Variants in ROR2 observed in about 807,000 individuals in gnomAD.
ROR2 encodes ROR family WNT receptor 2.
In ROR2, 33 loss-of-function variants were observed where a neutral mutation model predicts 74.9. That is an observed-to-expected ratio of 0.44 (90% CI 0.33 to 0.59). The LOEUF (loss-of-function observed/expected upper bound fraction) is 0.59. Among genes scored for constraint, ROR2 ranks in the 20% least tolerant of loss-of-function variants. ROR2 has a pLI of 0.02. For missense variants in ROR2, 1,216 were observed against 1,313.8 expected, an observed-to-expected ratio of 0.93 and a Z score of 1.15; for synonymous variants, 586 against 558.7, an observed-to-expected ratio of 1.05 and a Z score of -0.69.
chr9:91,723,965 T>A lies in ROR2; in HGVS notation c.2529A>T (p.Pro843=). The A allele has an allele frequency of 6.2e-7, 1 of 1,613,286 alleles. No homozygotes were observed. Among genetic ancestry groups the A allele is most frequent in the Non-Finnish European group, 8.5e-7 (1 of 1,180,020 alleles). Residue 843 remains proline, a synonymous_variant, in exon 9 of 9, where the codon CCA becomes CCT. Coordinates refer to ENST00000375708, the MANE Select transcript of ROR2 (RefSeq NM_004560.4). Reference sequence around the variant, plus strand: ...GCACCTGCTGCGGGGCCATCTGCATTGGGATCTGCACCGGGTAGAAGTTGG... The same window carrying A: ...GCACCTGCTGCGGGGCCATCTGCATAGGGATCTGCACCGGGTAGAAGTTGG... The part of the protein sequence containing the change: ...YLPNFYPVQI[P]MQMAPQQVPP...
intron 1 of ROR2, among the ~76,000 whole-genome samples, chr9:91,877,411 C>A (rs955078919): frequency 6.6e-6 from 1 of 152,096 alleles, no homozygotes; most frequent in Non-Finnish European, 1.5e-5. Context: ...TCTAAGTGGA[C>A]GGGGACAGAA....
chr9:91,824,658 C>G (rs1407642440), intron 1 of ROR2, among the ~76,000 whole-genome samples: 1 of 152,164 alleles, frequency 6.6e-6, no homozygotes, highest in African/African-American at 2.4e-5. Flanking sequence ...TGGGAGTGCC[C>G]GGGAACTCCC....
intron 1 of ROR2, among the ~76,000 whole-genome samples, chr9:91,855,694 C>G (rs1829258782): frequency 6.6e-6 from 1 of 152,106 alleles, no homozygotes; most frequent in African/African-American, 2.4e-5. Flanking sequence ...TTACGGACAT[C>G]ATGACATGGT....
chr9:91,888,389 C>T (rs540403362), intron 1 of ROR2, among the ~76,000 whole-genome samples: 35 of 152,276 alleles, frequency 2.3e-4, no homozygotes, highest in Non-Finnish European at 4.7e-4. Context: ...GATTAGAGGA[C>T]GCAGATGCAG....
chr9:91,936,480 C>A (rs910756347), intron 1 of ROR2, among the ~76,000 whole-genome samples: 8 of 152,158 alleles, frequency 5.3e-5, no homozygotes, highest in Non-Finnish European at 7.3e-5. Context: ...TGGATTATAG[C>A]CCACCGTAAA....
intron 1 of ROR2, among the ~76,000 whole-genome samples, chr9:91,801,876 A>C (rs1364066967): frequency 1.3e-5 from 2 of 152,158 alleles, no homozygotes; most frequent in Admixed American, 1.3e-4. Context: ...TTGGCAAGGC[A>C]GGGTAAAGGA....
chr9:91,858,902 G>A (rs942631399), intron 1 of ROR2, among the ~76,000 whole-genome samples: 9 of 152,166 alleles, frequency 5.9e-5, no homozygotes, highest in Admixed American at 3.9e-4. Flanking sequence ...GGGGACAGAA[G>A]AGGAATCAGA....
chr9:91,771,462 TG>T (rs1826224610), intron 2 of ROR2, among the ~76,000 whole-genome samples: 1 of 152,236 alleles, frequency 6.6e-6, no homozygotes, highest in South Asian at 2.1e-4. Context: ...TTCTAAAGCA[TG>T]TATGTGTGTA....
intron 4 of ROR2, among the ~76,000 whole-genome samples, chr9:91,751,480 G>A (rs1825594294): frequency 6.6e-6 from 1 of 151,946 alleles, no homozygotes; most frequent in African/African-American, 2.4e-5. Context: ...ATTATTGTTA[G>A]GCAAAACTGA....
rs547772887 is a variant in ROR2 at position 91,911,150 on chromosome 9, G to C, written c.97+38717C>G. On this transcript the variant is annotated intron_variant, in intron 1 of 8. Transcript: ENST00000375708. ...ACACTACCCCACCACCTGTTCCTTTGAAAATATACAAAATGCAGTGTTCTA... is the reference window on the plus strand; with the variant it reads ...ACACTACCCCACCACCTGTTCCTTTCAAAATATACAAAATGCAGTGTTCTA... 2.0e-5 allele frequency among the ~76,000 whole-genome samples: 3 copies of C among 152,264 alleles called. No homozygotes were observed. The East Asian group carries it at 5.8e-4, about 29-fold the overall frequency.
chr9:91,853,884 G>A (rs1455848330), intron 1 of ROR2, among the ~76,000 whole-genome samples: 3 of 152,206 alleles, frequency 2.0e-5, no homozygotes, highest in Non-Finnish European at 4.4e-5. Context: ...TGAGCAGAGT[G>A]AGGGTGCATG....
At position 91,726,522 on chromosome 9, in the gene ROR2, A is replaced by C; in HGVS notation, c.1386+19T>G. On this transcript the variant is annotated intron_variant, in intron 8 of 8. Transcript: ENST00000375708. Reference sequence around the variant, plus strand: ...AACCTGGAAGAGCCACCCGGGTAGAAAATGTAAGGCATGGAGACCTGTTTG... The same window carrying C: ...AACCTGGAAGAGCCACCCGGGTAGACAATGTAAGGCATGGAGACCTGTTTG... 6.2e-7 allele frequency: 1 copy of C among 1,610,506 alleles called. No individual in the cohort carries two copies. Among genetic ancestry groups the C allele is most frequent in the Non-Finnish European group, 8.5e-7 (1 of 1,179,354 alleles).
At chr9:91,933,804 G>A (rs1831612057) in intron 1 of ROR2, among the ~76,000 whole-genome samples, 2 of 152,206 alleles carry the variant, frequency 1.3e-5, no homozygotes, top group South Asian at 4.1e-4. Context: ...CACAGGGAGA[G>A]AAAGTAGATT....
intron 2 of ROR2, among the ~76,000 whole-genome samples, chr9:91,773,532 G>C (rs1826311937): frequency 6.6e-6 from 1 of 152,232 alleles, no homozygotes; most frequent in Admixed American, 6.5e-5. Flanking sequence ...TTTTAGATTT[G>C]TGCTACCCAT....
intron 1 of ROR2, among the ~76,000 whole-genome samples, chr9:91,812,422 G>A (rs1827786201): frequency 6.6e-6 from 1 of 152,112 alleles, no homozygotes; most frequent in African/African-American, 2.4e-5. Flanking sequence ...GAGGGGGGAT[G>A]TCAGGGGAGG....
chr9:91,858,446 G>C (rs146802563), intron 1 of ROR2, among the ~76,000 whole-genome samples: 274 of 152,284 alleles, frequency 1.8e-3, no homozygotes, highest in Middle Eastern at 6.8e-3. Flanking sequence ...ACACCCCACA[G>C]AGCAGTGGTT....
chr9:91,770,888 C>T (rs1826205496), intron 2 of ROR2, among the ~76,000 whole-genome samples: 1 of 152,156 alleles, frequency 6.6e-6, no homozygotes. Flanking sequence ...CAGAAGCACA[C>T]ACAATAATTC....
intron 8 of ROR2, among the ~76,000 whole-genome samples, chr9:91,726,073 G>A (rs1837019392): frequency 6.6e-6 from 1 of 152,208 alleles, no homozygotes; most frequent in East Asian, 1.9e-4. Flanking sequence ...GGCTGCTCTG[G>A]GATGAGGGGT....
intron 4 of ROR2, among the ~76,000 whole-genome samples, chr9:91,750,639 T>C (rs999135964): frequency 6.6e-6 from 1 of 152,176 alleles, no homozygotes; most frequent in Admixed American, 6.5e-5. Context: ...GCTCACAGTA[T>C]GAGGACTAGA....
Sources: gnomAD v4.1 joint callset for allele counts (sites outside exome capture counted in the v4.1 genomes callset) on GRCh38, gnomAD v4.1.1 for gene constraint, MANE v1.5 for transcripts, NCBI Gene and HGNC (gene_info 2026-07-23, HGNC 2026-07-21) for gene names.